Variants in NHS observed in about 807,000 individuals in gnomAD.
NHS encodes the protein actin remodeling regulator NHS.
NHS carries 5 observed loss-of-function variants against 72.5 expected under a neutral mutation model. That is an observed-to-expected ratio of 0.07 (90% CI 0.04 to 0.14). NHS has a LOEUF of 0.14. Among genes scored for constraint, NHS ranks in the 10% least tolerant of loss-of-function variants. NHS has a pLI of 1.00. For synonymous variants in NHS, 464 were observed against 547.7 expected (o/e 0.85, Z 2.13); for missense variants, 1,072 against 1,355.7 (o/e 0.79, Z 3.29).
Position 17,416,817 on chromosome X carries a change from T to A in NHS, c.565+40495T>A, listed in dbSNP as rs187004169. ...ATGTGTGTGTGTGTGTGTGTGTGTGTGTGAGAGAGAGAGAGAGAGAGAGAG... is the reference window on the plus strand; with the variant it reads ...ATGTGTGTGTGTGTGTGTGTGTGTGAGTGAGAGAGAGAGAGAGAGAGAGAG... On this transcript the variant is annotated intron_variant, in intron 1 of 8. Coordinates refer to ENST00000676302, the MANE Select transcript of NHS (RefSeq NM_001291867.2). Among the ~76,000 whole-genome samples the A allele has an allele frequency of 2.3e-3, 234 of 103,442 alleles. 2 individuals are homozygous for A. Among genetic ancestry groups the A allele is most frequent in the African/African-American group, 7.4e-3 (195 of 26,199 alleles). 89.8% of individuals were successfully genotyped at this position (103,442 alleles called of 115,157 possible).
At chrX:17,390,809 G>A (rs1478624190) in intron 1 of NHS, among the ~76,000 whole-genome samples, 1 of 112,192 alleles carries the variant, frequency 8.9e-6, no homozygotes, top group African/African-American at 3.2e-5. Flanking sequence ...CCTCTTGTGT[G>A]GCTTTATTTT....
intron 1 of NHS, among the ~76,000 whole-genome samples, chrX:17,660,836 T>C (rs995536618): frequency 8.9e-6 from 1 of 112,378 alleles, no homozygotes; most frequent in African/African-American, 3.2e-5. Context: ...AGGGCATAAA[T>C]AACAGGAGAC....
intron 3 of NHS, 109 bp downstream of exon 3, chrX:17,692,577 C>A: frequency 1.0e-6 from 1 of 998,597 alleles, no homozygotes; most frequent in Non-Finnish European, 1.4e-6. Context: ...TGGCTAAGAG[C>A]TCAAATCATG....
intron 1 of NHS, among the ~76,000 whole-genome samples, chrX:17,389,586 C>CTTATTTATTTATTTAT (rs554552712): frequency 0.024 from 2,459 of 102,308 alleles, 95 homozygotes; most frequent in African/African-American, 0.088. Flanking sequence ...CTTTTATTTT[C>CTTATTTATTTATTTAT]TTATTTATTT....
At chrX:17,535,243 G>T (rs2065217546) in intron 1 of NHS, among the ~76,000 whole-genome samples, 1 of 111,613 alleles carries the variant, frequency 9.0e-6, no homozygotes, top group Non-Finnish European at 1.9e-5. Flanking sequence ...TAAAATGATG[G>T]TCACAGGTTG....
chrX:17,569,420 G>A (rs1224502137), intron 1 of NHS, among the ~76,000 whole-genome samples: 1 of 108,252 alleles, frequency 9.2e-6, no homozygotes, highest in African/African-American at 3.7e-5. Context: ...GATGGCCAGT[G>A]ATGATGAGCA....
chrX:17,523,754 C>T (rs1463809311), intron 1 of NHS, among the ~76,000 whole-genome samples: 1 of 112,000 alleles, frequency 8.9e-6, no homozygotes, highest in Non-Finnish European at 1.9e-5. Flanking sequence ...TTGTCTTTCT[C>T]TCCCAACAGT....
At chrX:17,656,375 T>C (rs1327750839) in intron 1 of NHS, among the ~76,000 whole-genome samples, 1 of 113,186 alleles carries the variant, frequency 8.8e-6, no homozygotes, top group Non-Finnish European at 1.9e-5. Context: ...GTGTGTGAGA[T>C]GGGACCAGCC....
chrX:17,414,585 T>C (rs751364530), intron 1 of NHS, among the ~76,000 whole-genome samples: 1 of 111,901 alleles, frequency 8.9e-6, no homozygotes, highest in Admixed American at 9.5e-5. Flanking sequence ...CTGTTTTCTC[T>C]AAGACGTTAC....
intron 1 of NHS, among the ~76,000 whole-genome samples, chrX:17,421,684 C>T (rs184107312): frequency 1.4e-3 from 159 of 110,416 alleles, no homozygotes; most frequent in Non-Finnish European, 2.6e-3. Context: ...TCAAGCAATT[C>T]TCCTGCCTCA....
chrX:17,692,600 C>G, intron 3 of NHS, 132 bp downstream of exon 3: 1 of 802,221 alleles, frequency 1.2e-6, no homozygotes, highest in Non-Finnish European at 1.8e-6. Flanking sequence ...CATTTGGGAA[C>G]AAATTAATTT....
chrX:17,426,694 C>T (rs944127101), intron 1 of NHS, among the ~76,000 whole-genome samples: 1 of 112,117 alleles, frequency 8.9e-6, no homozygotes, highest in African/African-American at 3.2e-5. Flanking sequence ...TGAGCTCTCT[C>T]ATTTTCTTTC....
chrX:17,523,476 C>T (rs751044318), intron 1 of NHS, among the ~76,000 whole-genome samples: 50 of 111,785 alleles, frequency 4.5e-4, no homozygotes, highest in African/African-American at 1.5e-3. Flanking sequence ...AGCAGGATTG[C>T]TTATCTCTAC....
intron 3 of NHS, among the ~76,000 whole-genome samples, chrX:17,699,458 G>T (rs1260089138): frequency 8.9e-6 from 1 of 112,124 alleles, no homozygotes; most frequent in Non-Finnish European, 1.9e-5. Flanking sequence ...AAGAGATGGA[G>T]TTTTTTAATG....
rs368624958 is a variant in NHS at position 17,667,487 on chromosome X, C to G, written c.566-20255C>G. ...TGTTCAGGATCAAACTAGCTGCCTC[C>G]ACAGGGCCTGGAATGCACGGCGAGG... On this transcript the variant is annotated intron_variant, in intron 1 of 8. Coordinates refer to ENST00000676302, the MANE Select transcript of NHS (RefSeq NM_001291867.2). 3.9e-4 allele frequency among the ~76,000 whole-genome samples: 43 copies of G among 111,026 alleles called. 1 individual carries two copies. The highest frequency in any genetic ancestry group is 1.1e-3 in the East Asian group (4 of 3,521).
intron 3 of NHS, among the ~76,000 whole-genome samples, chrX:17,709,439 G>C (rs749567927): frequency 9.0e-6 from 1 of 111,693 alleles, no homozygotes; most frequent in African/African-American, 3.3e-5. Flanking sequence ...AAGCAGCAAG[G>C]ACCTTAGATA....
intron 1 of NHS, among the ~76,000 whole-genome samples, chrX:17,458,268 C>T (rs747804208): frequency 9.0e-6 from 1 of 111,699 alleles, no homozygotes; most frequent in Non-Finnish European, 1.9e-5. Context: ...TGCTCTGTGT[C>T]CCAGGCTGGA....
chrX:17,471,906 G>T (rs776119136), intron 1 of NHS, among the ~76,000 whole-genome samples: 1 of 111,392 alleles, frequency 9.0e-6, no homozygotes, highest in African/African-American at 3.3e-5. Context: ...GTGCTTGCAG[G>T]GCCAGGGAGG....
chrX:17,465,189 G>A (rs999481985), intron 1 of NHS, among the ~76,000 whole-genome samples: 1 of 111,473 alleles, frequency 9.0e-6, no homozygotes, highest in African/African-American at 3.3e-5. Context: ...GTAGGTGTCT[G>A]GGGTGCTGAG....
Sources: gnomAD v4.1 joint callset for allele counts (sites outside exome capture counted in the v4.1 genomes callset) on GRCh38, gnomAD v4.1.1 for gene constraint, MANE v1.5 for transcripts, NCBI Gene and HGNC (gene_info 2026-07-23, HGNC 2026-07-21) for gene names.